The following GCG variants were observed in gnomAD, a reference collection of about 807,000 sequenced individuals.
The protein encoded by GCG is pro-glucagon.
Under a neutral mutation model 22.8 loss-of-function variants are expected in GCG, and 11 were observed. That is an observed-to-expected ratio of 0.48 (90% CI 0.30 to 0.80). GCG has a LOEUF of 0.80. GCG is among the 30% of genes least tolerant of loss of function. GCG has a pLI of 0.06. For synonymous variants in GCG, 89 were observed against 72.4 expected (o/e 1.23, Z -1.16); for missense variants, 222 against 222.0 (o/e 1.00, Z 0.00).
Position 162,145,653 on chromosome 2 carries a change from A to C in GCG, c.279T>G (p.Asp93Glu). 6.2e-7 allele frequency: 1 copy of C among 1,610,370 alleles called. No individual in the cohort carries two copies. Among genetic ancestry groups the C allele is most frequent in the Non-Finnish European group, 8.5e-7 (1 of 1,178,294 alleles). ...RNRNNIAKRH[D>E]EFERHAEGTF... ...TCCCTTCAGCATGTCTCTCAAATTCATCGTGACGTTTGGCAATGTTATTCC... is the reference window on the plus strand; with the variant it reads ...TCCCTTCAGCATGTCTCTCAAATTCCTCGTGACGTTTGGCAATGTTATTCC... The change falls in exon 4 of 6, where the codon GAT becomes GAG. Residue 93 changes from aspartate to glutamate, a missense_variant. Asp to Glu is a conservative substitution (Grantham distance 45). Coordinates refer to ENST00000418842, the MANE Select transcript of GCG (RefSeq NM_002054.5).
intron 2 of GCG, among the ~76,000 whole-genome samples, chr2:162,148,411 A>G (rs1240116185): frequency 1.3e-5 from 2 of 152,150 alleles, no homozygotes; most frequent in African/African-American, 2.4e-5. Flanking sequence ...CTTCCCAAAT[A>G]AGTAGCTAAA....
chr2:162,146,455 T>C (rs931237191), intron 3 of GCG, among the ~76,000 whole-genome samples: 1 of 152,040 alleles, frequency 6.6e-6, no homozygotes. Context: ...CTGACCATGA[T>C]AGCCATCTTC....
rs776879926 is a variant in GCG, at chr2:162,147,486, G to C, written c.121C>G (p.Leu41Val). The C allele has an allele frequency of 6.2e-7, 1 of 1,613,232 alleles. No individual in the cohort carries two copies. Among genetic ancestry groups the C allele is most frequent in the Non-Finnish European group, 8.5e-7 (1 of 1,179,378 alleles). ...TCGTTCATCTGATCAGGATCACTGA[G>C]TGGGTCTGCCTGGGAAGCTGAGAAT... Reference protein sequence around the residue: ...RSFSASQADPLSDPDQMNEDK... With the variant: ...RSFSASQADPVSDPDQMNEDK... The change falls in exon 3 of 6, where the codon CTC (leucine) becomes GTC (valine). Residue 41 changes from leucine to valine, a missense_variant. Physicochemically the swap from Leu to Val is conservative, Grantham distance 32 (BLOSUM62 1). Transcript: ENST00000418842.
chr2:162,151,967 T>A (rs1414549037), intron 1 of GCG, among the ~76,000 whole-genome samples, 191 bp downstream of exon 1: 1 of 152,210 alleles, frequency 6.6e-6, no homozygotes, highest in Non-Finnish European at 1.5e-5. Flanking sequence ...TCCAACTCGC[T>A]TTGCGGCTTC....
At chr2:162,144,335 G>C (rs1192151847) in intron 4 of GCG, 165 bp from the exon 5 acceptor site, 2 of 600,864 alleles carry the variant, frequency 3.3e-6, no homozygotes, top group African/African-American at 3.7e-5. Context: ...ATGTGGACCA[G>C]TGACTACTGG....
rs77663324 is a variant in GCG at position 162,145,897 on chromosome 2, C to T, written c.255-220G>A. On this transcript the variant is annotated intron_variant, in intron 3 of 5. Coordinates refer to ENST00000418842, the MANE Select transcript of GCG (RefSeq NM_002054.5). ...AACAATCGGTGGGCTAAAGCTCCCC[C>T]TCCCTTCCCAGCATACCCATCTGCA... is the stretch of plus-strand genomic sequence containing the variant. Among the ~76,000 whole-genome samples, 101 of 152,160 alleles carry T rather than the reference C, an allele frequency of 6.6e-4. 2 individuals carry two copies. The highest frequency in any genetic ancestry group is 2.4e-3 in the African/African-American group (98 of 41,520).
At chr2:162,146,846 T>C (rs934745466) in intron 3 of GCG, among the ~76,000 whole-genome samples, 3 of 152,158 alleles carry the variant, frequency 2.0e-5, no homozygotes, top group African/African-American at 7.2e-5. Flanking sequence ...TCTTATTTGC[T>C]GCCTTCTCTC....
intron 1 of GCG, among the ~76,000 whole-genome samples, chr2:162,149,885 T>TA (rs1686789796): frequency 6.6e-6 from 1 of 151,996 alleles, no homozygotes. Flanking sequence ...CAATCACAAC[T>TA]AAAAAACTAA....
chr2:162,147,396 C>T lies in GCG; in HGVS notation c.211G>A (p.Ala71Thr). The T allele has an allele frequency of 6.2e-7, 1 of 1,613,238 alleles. No individual in the cohort carries two copies. Among genetic ancestry groups the T allele is most frequent in the Non-Finnish European group, 8.5e-7 (1 of 1,179,358 alleles). ...DYSKYLDSRR[A>T]QDFVQWLMNT... The stretch of plus-strand genomic sequence containing the variant: ...ATCAACCACTGCACAAAATCTTGGG[C>T]ACGCCTGGAGTCCAGATACTTGCTG... The change falls in exon 3 of 6, where the codon GCC (alanine) becomes ACC (threonine). Residue 71 changes from alanine (A) to threonine (T), a missense_variant. Transcript: ENST00000418842.
chr2:162,150,605 C>A (rs749876008), intron 1 of GCG, among the ~76,000 whole-genome samples: 2 of 152,082 alleles, frequency 1.3e-5, no homozygotes, highest in African/African-American at 4.8e-5. Flanking sequence ...ACTTTGGAAA[C>A]CTTGCCATAT....
At chr2:162,145,469 A>G in intron 4 of GCG, 71 bp downstream of exon 4, 1 of 1,244,586 alleles carries the variant, frequency 8.0e-7, no homozygotes, top group Non-Finnish European at 1.1e-6. Context: ...CCAGATCCAT[A>G]TATAGATAAC....
rs1206278051 is a variant in GCG, at chr2:162,143,025, G to A, written c.*339C>T. The A allele has an allele frequency of 1.0e-5, 2 of 191,026 alleles. No homozygotes were observed. Among genetic ancestry groups the A allele is most frequent in the Non-Finnish European group, 1.1e-5 (1 of 94,174 alleles). The allele number at this position is 191,026 out of a possible 1,614,324, so 11.8% of individuals were successfully genotyped here. A position where few individuals can be genotyped will look rare whatever the true frequency, so the allele number is the denominator to read the frequency against. ...TCTATTCTCCTATTATTATAATGCA[G>A]ATATGTCAGATCGGAATAATTTACA... On this transcript the variant is annotated 3_prime_UTR_variant, in exon 6 of 6. Coordinates refer to ENST00000418842, the MANE Select transcript of GCG (RefSeq NM_002054.5).
intron 3 of GCG, among the ~76,000 whole-genome samples, chr2:162,146,373 T>A (rs563515700): frequency 1.9e-4 from 29 of 152,276 alleles, no homozygotes; most frequent in African/African-American, 6.5e-4. Flanking sequence ...GACAGTTGTT[T>A]GCATTTTTAT....
chr2:162,144,119 A>C lies in GCG; in HGVS notation c.444T>G (p.Asp148Glu), dbSNP rs1686622033. 6.2e-7 allele frequency: 1 copy of C among 1,611,726 alleles called. No homozygotes were observed. Among genetic ancestry groups the C allele is most frequent in the Non-Finnish European group, 8.5e-7 (1 of 1,177,992 alleles). Residue 148 changes from aspartate to glutamate, a missense_variant, in exon 5 of 6, where the codon GAT becomes GAG. By Grantham distance (45) the Asp-to-Glu change is conservative. Coordinates refer to ENST00000418842, the MANE Select transcript of GCG (RefSeq NM_002054.5). ...IVEELGRRHA[D>E]GSFSDEMNTI... ...TGTTCATCTCATCAGAGAAAGAACC[A>C]TCAGCATGTCTGCGGCCAAGTTCTT... is the stretch of plus-strand genomic sequence containing the variant.
At chr2:162,151,776 A>C (rs1686843327) in intron 1 of GCG, among the ~76,000 whole-genome samples, 1 of 152,174 alleles carries the variant, frequency 6.6e-6, no homozygotes, top group African/African-American at 2.4e-5. Context: ...TGCTTACTTT[A>C]AAAGACGCCT....
rs749633305 is a variant in GCG, at chr2:162,149,067, C to G, written c.92+20G>C. 1 of 1,476,338 alleles carries G rather than the reference C, an allele frequency of 6.8e-7. No homozygotes were observed. 91.5% of individuals were successfully genotyped at this position (1,476,338 alleles called of 1,614,324 possible). A position where few individuals can be genotyped will look rare whatever the true frequency, so the allele number is the denominator to read the frequency against. ...TTCCAACCATATTGATATGTTAGTT[C>G]GAGACTACGGATTTAATACCTGGAT... On this transcript the variant is annotated intron_variant, in intron 2 of 5. Transcript: ENST00000418842.
rs950576557 is a variant in GCG, at chr2:162,146,694, C to T, written c.254+659G>A. 8.6e-5 allele frequency among the ~76,000 whole-genome samples: 13 copies of T among 151,776 alleles called. 1 individual carries two copies. Among genetic ancestry groups the T allele is most frequent in the Admixed American group, 5.9e-4 (9 of 15,204 alleles). ...TAACTCCCTTCCTCTTGTGGGCCAC[C>T]CTCCAAAAAAATTGTGAAATTCCAC... On this transcript the variant is annotated intron_variant, in intron 3 of 5. Transcript: ENST00000418842.
chr2:162,147,467 A>G lies in GCG; in HGVS notation c.140T>C (p.Met47Thr). 1 of 1,613,288 alleles carries G rather than the reference A, an allele frequency of 6.2e-7. No individual in the cohort carries two copies. The highest frequency in any genetic ancestry group is 8.5e-7 in the Non-Finnish European group (1 of 1,179,400). The change falls in exon 3 of 6, where the codon ATG (methionine) becomes ACG (threonine). Residue 47 changes from methionine to threonine, a missense_variant. Physicochemically the swap from Met to Thr is moderately conservative, Grantham distance 81 (BLOSUM62 -1). Transcript: ENST00000418842. ...CTGTGAATGGCGCTTGTCCTCGTTC[A>G]TCTGATCAGGATCACTGAGTGGGTC... ...QADPLSDPDQ[M>T]NEDKRHSQGT...
intron 3 of GCG, 127 bp from the exon 4 acceptor site, chr2:162,145,804 G>A (rs1422537793): frequency 1.1e-5 from 7 of 642,852 alleles, no homozygotes; most frequent in African/African-American, 9.3e-5. Context: ...AGGAGATGAG[G>A]GTTGCTAGGG....
Sources: allele counts gnomAD v4.1 joint callset (sites outside exome capture counted in the v4.1 genomes callset), GRCh38; gene constraint gnomAD v4.1.1; transcripts MANE v1.5; gene names NCBI Gene and HGNC (gene_info 2026-07-23, HGNC 2026-07-21).